Variants in CALN1 observed in about 807,000 individuals in gnomAD.
CALN1 encodes calcium-binding protein 8.
CALN1 carries 17 observed loss-of-function variants against 30.6 expected under a neutral mutation model. That is an observed-to-expected ratio of 0.56 (90% CI 0.38 to 0.83). CALN1 has a LOEUF of 0.83. CALN1 is among the 40% of genes least tolerant of loss of function. The probability of loss-of-function intolerance (pLI) is 0.00; values close to 1 mark genes in which losing one functional copy is unlikely to be tolerated. For missense variants in CALN1, 291 were observed against 354.9 expected (o/e 0.82, Z 1.45); for synonymous variants, 156 against 131.4 (o/e 1.19, Z -1.28).
intron 3 of CALN1, among the ~76,000 whole-genome samples, chr7:72,226,835 G>A (rs1224024241): frequency 2.6e-5 from 4 of 152,126 alleles, no homozygotes; most frequent in African/African-American, 9.7e-5. Context: ...TTGAGGTCAG[G>A]AGTTCGAGAC....
intron 3 of CALN1, among the ~76,000 whole-genome samples, chr7:72,246,678 C>A (rs1220731250): frequency 6.6e-6 from 1 of 151,726 alleles, no homozygotes; most frequent in Non-Finnish European, 1.5e-5. Flanking sequence ...CTTTGACCAT[C>A]TTCTTGTTTT....
chr7:72,247,315 G>A (rs144372484), intron 3 of CALN1, among the ~76,000 whole-genome samples: 4,747 of 129,902 alleles, frequency 0.037, 111 homozygotes, highest in African/African-American at 0.077. Context: ...GTGGCGCGAC[G>A]TTGGCTCACT....
intron 2 of CALN1, among the ~76,000 whole-genome samples, chr7:72,302,682 T>C (rs560460051): frequency 2.0e-5 from 3 of 151,638 alleles, no homozygotes; most frequent in East Asian, 3.9e-4. Context: ...TCACTTGAGG[T>C]CAGGAGTTCA....
At chr7:72,349,045 T>G (rs1336259392) in intron 2 of CALN1, among the ~76,000 whole-genome samples, 1 of 152,104 alleles carries the variant, frequency 6.6e-6, no homozygotes, top group Non-Finnish European at 1.5e-5. Context: ...AATAAAATTG[T>G]AGTGCTGAAA....
At chr7:72,433,056 G>T (rs1010016140) in intron 1 of CALN1, among the ~76,000 whole-genome samples, 2 of 152,188 alleles carry the variant, frequency 1.3e-5, no homozygotes, top group African/African-American at 4.8e-5. Flanking sequence ...CGCAGAAAAG[G>T]AAGATTCAGG....
intron 4 of CALN1, among the ~76,000 whole-genome samples, chr7:72,062,147 G>A (rs1409099737): frequency 1.3e-5 from 2 of 152,112 alleles, no homozygotes; most frequent in African/African-American, 4.8e-5. Context: ...TTCCAATGAA[G>A]AAAAGTAAAG....
At chr7:72,064,924 T>C (rs960868689) in intron 4 of CALN1, among the ~76,000 whole-genome samples, 1 of 151,982 alleles carries the variant, frequency 6.6e-6, no homozygotes, top group Non-Finnish European at 1.5e-5. Flanking sequence ...AGCTCTGTTA[T>C]TATGTGGCTC....
In CALN1 at chr7:72,027,750, C is replaced by CAG. The variant is rs1221125295; in HGVS notation, c.389-3982_389-3981insCT. 8.5e-4 allele frequency among the ~76,000 whole-genome samples: 128 copies of CAG among 149,882 alleles called. 2 individuals carry two copies. The East Asian group carries it at 0.024, about 28-fold the overall frequency. On this transcript the variant is annotated intron_variant, in intron 4 of 6. Transcript: ENST00000395275. ...AAACACACACACACACACACACACA[C>CAG]ACACACACAAAAACACATGAGACCT...
chr7:71,932,551 C>T (rs908528882), intron 5 of CALN1, among the ~76,000 whole-genome samples: 9 of 152,146 alleles, frequency 5.9e-5, no homozygotes, highest in East Asian at 1.9e-4. Flanking sequence ...GGGTGGCTCA[C>T]GCCTGTAATC....
At chr7:71,997,359 G>T (rs1223608080) in intron 5 of CALN1, among the ~76,000 whole-genome samples, 1 of 152,166 alleles carries the variant, frequency 6.6e-6, no homozygotes, top group African/African-American at 2.4e-5. Flanking sequence ...CAGTGATTGT[G>T]AGGACAGATC....
intron 5 of CALN1, among the ~76,000 whole-genome samples, chr7:71,811,020 T>C (rs1439423502): frequency 1.3e-5 from 2 of 150,444 alleles, no homozygotes; most frequent in Non-Finnish European, 3.0e-5. Context: ...TCAGCCTCCG[T>C]AGTAGCTGGA....
At chr7:72,112,781 A>T (rs1011531923) in intron 3 of CALN1, among the ~76,000 whole-genome samples, 1 of 152,228 alleles carries the variant, frequency 6.6e-6, no homozygotes, top group Middle Eastern at 3.2e-3. Context: ...GCTGCAATAA[A>T]TCTGTATTAC....
At chr7:72,266,640 C>T (rs1796615092) in intron 3 of CALN1, among the ~76,000 whole-genome samples, 1 of 152,134 alleles carries the variant, frequency 6.6e-6, no homozygotes, top group Non-Finnish European at 1.5e-5. Context: ...GCCTTGATCG[C>T]TTTTGGAAAC....
chr7:72,098,760 G>GCACA (rs1491327481), intron 4 of CALN1, among the ~76,000 whole-genome samples: 19,953 of 101,126 alleles, frequency 0.2, 1,585 homozygotes, highest in South Asian at 0.21. Flanking sequence ...AGCCCATTTG[G>GCACA]CGCGCACACA....
intron 3 of CALN1, among the ~76,000 whole-genome samples, chr7:72,157,220 G>T (rs531129690): frequency 1.3e-5 from 2 of 152,272 alleles, no homozygotes; most frequent in East Asian, 3.9e-4. Flanking sequence ...TGAATGCGTT[G>T]CATGCCAAGT....
intron 3 of CALN1, among the ~76,000 whole-genome samples, chr7:72,171,120 T>G (rs544642556): frequency 6.6e-6 from 1 of 152,194 alleles, no homozygotes; most frequent in African/African-American, 2.4e-5. Flanking sequence ...ACTGCACCAC[T>G]GCACTCCAGC....
At chr7:72,364,432 G>A (rs1585586076) in intron 2 of CALN1, among the ~76,000 whole-genome samples, 1 of 152,168 alleles carries the variant, frequency 6.6e-6, no homozygotes, top group Admixed American at 6.5e-5. Flanking sequence ...TTCTGGAGAA[G>A]AAATAAAAAT....
At chr7:72,401,167 C>T (rs1431045188) in intron 2 of CALN1, among the ~76,000 whole-genome samples, 3 of 152,176 alleles carry the variant, frequency 2.0e-5, no homozygotes, top group African/African-American at 7.2e-5. Flanking sequence ...TCAAGGGTCT[C>T]ACAATACCCA....
At chr7:72,409,053 T>C (rs996005184) in intron 1 of CALN1, among the ~76,000 whole-genome samples, 1 of 151,772 alleles carries the variant, frequency 6.6e-6, no homozygotes, top group East Asian at 2.0e-4. Flanking sequence ...TAGACTGCAG[T>C]GGCACTATCT....
Sources: gnomAD v4.1 joint callset for allele counts (sites outside exome capture counted in the v4.1 genomes callset) on GRCh38, gnomAD v4.1.1 for gene constraint, MANE v1.5 for transcripts, NCBI Gene and HGNC (gene_info 2026-07-23, HGNC 2026-07-21) for gene names.